Variants in PDXDC1 observed in about 807,000 individuals in gnomAD.
PDXDC1 encodes the protein pyridoxal dependent decarboxylase domain containing 1, also known as pyridoxal-dependent decarboxylase domain-containing protein 1.
In PDXDC1, 42 loss-of-function variants were observed where a neutral mutation model predicts 100.1. The observed-to-expected ratio is 0.42, with a 90% CI of 0.33 to 0.54. PDXDC1 has a LOEUF of 0.54. PDXDC1 is among the 20% of genes least tolerant of loss of function. The pLI, the probability that PDXDC1 is intolerant of heterozygous loss-of-function variation, is 0.10. For missense variants in PDXDC1, 636 were observed against 979.2 expected (o/e 0.65, Z 4.68); for synonymous variants, 260 against 371.7 (o/e 0.70, Z 3.46).
At chr16:14,982,545 A>G (rs1301412714) in intron 1 of PDXDC1, among the ~76,000 whole-genome samples, 1 of 152,192 alleles carries the variant, frequency 6.6e-6, no homozygotes, top group East Asian at 1.9e-4. Flanking sequence ...ACAGAGTGAG[A>G]CTCCATCTCA....
intron 16 of PDXDC1, among the ~76,000 whole-genome samples, chr16:15,055,038 A>C (rs890308575): frequency 6.6e-6 from 1 of 152,082 alleles, no homozygotes; most frequent in Admixed American, 6.6e-5. Context: ...TCTAGACTAT[A>C]AACACTCCGA....
intron 16 of PDXDC1, among the ~76,000 whole-genome samples, chr16:15,085,060 T>A (rs2045864625): frequency 6.6e-6 from 1 of 151,700 alleles, no homozygotes; most frequent in South Asian, 2.1e-4. Flanking sequence ...AGCGAGACTC[T>A]GTCTCAAAAA....
intron 16 of PDXDC1, among the ~76,000 whole-genome samples, chr16:15,103,715 G>A (rs369897963): frequency 0.038 from 4,040 of 107,724 alleles, 20 homozygotes; most frequent in Non-Finnish European, 0.054. Context: ...CAAGTTGGCC[G>A]GGCTGGTCTC....
At chr16:15,140,497 G>GGAAA (rs1241180443), downstream of PDXDC1, among the ~76,000 whole-genome samples, 3 of 150,414 alleles carry the variant, frequency 2.0e-5, no homozygotes, top group East Asian at 1.9e-4. Context: ...GAGGGAGGGA[G>GGAAA]GAAAGAAAGA....
intron 16 of PDXDC1, among the ~76,000 whole-genome samples, chr16:15,075,102 T>A (rs1217354357): frequency 1.3e-4 from 19 of 151,326 alleles, no homozygotes; most frequent in South Asian, 4.2e-4. Flanking sequence ...ATACAAGAAT[T>A]AGCCAGGTAT....
intron 16 of PDXDC1, among the ~76,000 whole-genome samples, chr16:15,057,690 G>C (rs1186720906): frequency 1.3e-5 from 2 of 152,216 alleles, no homozygotes; most frequent in Non-Finnish European, 2.9e-5. Flanking sequence ...TTGTAGAATA[G>C]CATGTTTGTT....
intron 1 of PDXDC1, among the ~76,000 whole-genome samples, chr16:14,987,752 C>T (rs1213595028): frequency 3.3e-5 from 5 of 152,292 alleles, no homozygotes; most frequent in Admixed American, 6.5e-5. Context: ...GCTGGGATTA[C>T]AGGCACCCCC....
At position 15,109,597 on chromosome 16, in the gene PDXDC1, C is replaced by T. The variant is rs949690582; in HGVS notation, c.1400-29282C>T. On this transcript the variant is annotated intron_variant, in intron 16 of 16. Transcript: ENST00000535621. The stretch of plus-strand genomic sequence containing the variant: ...GTTTGAACCTGGGAGGCGGAGGTTG[C>T]AGTGAGCCAAGATCATGCCACTGCA... Among the ~76,000 whole-genome samples, 7 of 112,234 alleles carry T rather than the reference C, an allele frequency of 6.2e-5. No individual in the cohort carries two copies. In the South Asian group the frequency reaches 1.9e-3, roughly 31 times the overall value. 73.6% of individuals were successfully genotyped at this position (112,234 alleles called of 152,430 possible). A position where few individuals can be genotyped will look rare whatever the true frequency, so the allele number is the denominator to read the frequency against.
At chr16:14,984,891 CT>C (rs1968972339) in intron 1 of PDXDC1, among the ~76,000 whole-genome samples, 2 of 151,730 alleles carry the variant, frequency 1.3e-5, no homozygotes, top group Admixed American at 6.6e-5. Flanking sequence ...TTTTTTTCCC[CT>C]GAAACAGAGT....
At chr16:14,989,308 C>T in intron 1 of PDXDC1, 2 of 1,613,314 alleles carry the variant, frequency 1.2e-6, no homozygotes, top group Non-Finnish European at 1.7e-6. Flanking sequence ...ACCCACAGCA[C>T]CGTCTCATCC....
intron 16 of PDXDC1, among the ~76,000 whole-genome samples, chr16:15,051,710 T>C (rs1217767973): frequency 7.4e-5 from 11 of 149,022 alleles, no homozygotes; most frequent in African/African-American, 2.7e-4. Context: ...TTTTTTTTTT[T>C]TTTTTTTAGA....
At chr16:15,044,599 T>G in intron 16 of PDXDC1, 1 of 593,776 alleles carries the variant, frequency 1.7e-6, no homozygotes. Flanking sequence ...CTGGGGACCC[T>G]GCCCAGGGGC....
chr16:15,147,244 C>T, the PDXDC1 span, among the ~76,000 whole-genome samples: 4 of 152,166 alleles, frequency 2.6e-5, no homozygotes, highest in African/African-American at 9.7e-5. Flanking sequence ...AGTGCAAGCA[C>T]ATCCCAGCCC....
chr16:15,137,602 C>T (rs960071740), intron 16 of PDXDC1: 2 of 1,373,226 alleles, frequency 1.5e-6, no homozygotes, highest in Non-Finnish European at 1.0e-6. Context: ...CACACACCCC[C>T]ATCCGCCCGC....
intron 16 of PDXDC1, chr16:15,093,996 A>C (rs1298041624): frequency 4.2e-6 from 3 of 708,258 alleles, no homozygotes; most frequent in Non-Finnish European, 7.6e-6. Context: ...AGGAGGAATG[A>C]GCTCATTTCT....
chr16:15,095,954 C>T (rs756624283), intron 16 of PDXDC1, among the ~76,000 whole-genome samples: 1 of 151,096 alleles, frequency 6.6e-6, no homozygotes, highest in East Asian at 1.9e-4. Context: ...TGGTGCATAC[C>T]TGTAGTCCCA....
chr16:15,056,998 G>A (rs1039549259), intron 16 of PDXDC1, among the ~76,000 whole-genome samples: 1 of 152,078 alleles, frequency 6.6e-6, no homozygotes, highest in African/African-American at 2.4e-5. Context: ...TCTCACCGTG[G>A]AGCTCTCTTC....
rs561563610 is a variant in PDXDC1, at chr16:15,029,025, G to C, written c.1293+59G>C. The stretch of plus-strand genomic sequence containing the variant: ...GTCCCCGTCCATCACCATCCGACCT[G>C]CTGGTGAGGGTGACGCGTGCTCGTG... On this transcript the variant is annotated intron_variant, in intron 15 of 22. Coordinates refer to ENST00000396410, the MANE Select transcript of PDXDC1 (RefSeq NM_015027.4). 4.2e-5 allele frequency: 65 copies of C among 1,558,958 alleles called. No homozygotes were observed. The African/African-American group carries it at 7.3e-4, about 18-fold the overall frequency.
intron 16 of PDXDC1, chr16:15,094,280 T>G (rs1435516390): frequency 7.0e-7 from 1 of 1,434,472 alleles, no homozygotes; most frequent in East Asian, 2.5e-5. Context: ...GATGCCCAGC[T>G]CCTTCCAGCC....
Sources: gnomAD v4.1 joint callset for allele counts (sites outside exome capture counted in the v4.1 genomes callset) on GRCh38, gnomAD v4.1.1 for gene constraint, MANE v1.5 for transcripts, NCBI Gene and HGNC (gene_info 2026-07-23, HGNC 2026-07-21) for gene names.